The following MBNL2 variants were observed in gnomAD, a reference collection of about 807,000 sequenced individuals.
MBNL2 encodes the protein muscleblind like splicing regulator 2.
MBNL2 carries 17 observed loss-of-function variants against 41.9 expected under a neutral mutation model. That is an observed-to-expected ratio of 0.41 (90% CI 0.28 to 0.61). MBNL2 has a LOEUF of 0.61. Among genes scored for constraint, MBNL2 ranks in the 20% least tolerant of loss-of-function variants. The pLI is 0.35. For missense variants in MBNL2, 336 were observed against 505.6 expected, an observed-to-expected ratio of 0.66 and a Z score of 3.22; for synonymous variants, 195 against 182.9, an observed-to-expected ratio of 1.07 and a Z score of -0.53.
At chr13:97,165,683 G>A in the MBNL2 span, among the ~76,000 whole-genome samples, 8 of 152,208 alleles carry the variant, frequency 5.3e-5, no homozygotes, top group African/African-American at 1.9e-4. Context: ...AAACATCTGA[G>A]TCTTAGCGAC....
At chr13:97,176,965 AT>A in the MBNL2 span, among the ~76,000 whole-genome samples, 1 of 152,164 alleles carries the variant, frequency 6.6e-6, no homozygotes, top group Non-Finnish European at 1.5e-5. Flanking sequence ...CAGAAAAAAA[AT>A]ATAGAGAATA....
chr13:97,143,662 A>G, the MBNL2 span, among the ~76,000 whole-genome samples: 1 of 152,242 alleles, frequency 6.6e-6, no homozygotes, highest in Non-Finnish European at 1.5e-5. Flanking sequence ...GTATAATTTT[A>G]CAATGCAGTT....
At chr13:97,313,926 G>A (rs766383675) in intron 2 of MBNL2, among the ~76,000 whole-genome samples, 1 of 152,178 alleles carries the variant, frequency 6.6e-6, no homozygotes, top group African/African-American at 2.4e-5. Context: ...TTGACATAAT[G>A]CACTTTCTCA....
chr13:97,239,190 T>C (rs1201332155), intron 1 of MBNL2, among the ~76,000 whole-genome samples: 1 of 152,260 alleles, frequency 6.6e-6, no homozygotes, highest in East Asian at 1.9e-4. Context: ...TTATTTTCTT[T>C]AGCTTTTCCC....
chr13:97,334,239 C>G lies in MBNL2; in HGVS notation c.175-37C>G, dbSNP rs1371726737. 1.3e-6 allele frequency: 2 copies of G among 1,567,020 alleles called. No individual in the cohort carries two copies. Among genetic ancestry groups the G allele is most frequent in the Admixed American group, 3.7e-5 (2 of 54,658 alleles). On this transcript the variant is annotated intron_variant, in intron 2 of 8. Transcript: ENST00000679496. This position sits in a 1 kb window ranked among gnomAD's most constrained non-coding sequence, Gnocchi z 5.3. ...TGGTTGACTTTGGAGTTGCAAGCTA[C>G]TTAAAATAGTCCTAAAACCAACACT...
the MBNL2 span, among the ~76,000 whole-genome samples, chr13:97,145,963 T>C: frequency 1.9e-4 from 6 of 30,786 alleles, no homozygotes; most frequent in African/African-American, 3.3e-4. Context: ...TCTACTCTTT[T>C]CTTTTCTTTT....
At chr13:97,270,433 A>AT (rs1486894951) in intron 1 of MBNL2, among the ~76,000 whole-genome samples, 1 of 152,090 alleles carries the variant, frequency 6.6e-6, no homozygotes, top group Non-Finnish European at 1.5e-5. Flanking sequence ...TGGATGCTAA[A>AT]TTTTCATTGG....
upstream of MBNL2, chr13:97,222,163 C>T (rs1372171892): frequency 5.6e-6 from 2 of 356,564 alleles, no homozygotes; most frequent in Non-Finnish European, 1.0e-5. Context: ...CCTCTTTCAT[C>T]AGTATGGATG....
intron 2 of MBNL2, among the ~76,000 whole-genome samples, chr13:97,324,812 T>C (rs1186084076): frequency 6.6e-6 from 1 of 152,088 alleles, no homozygotes; most frequent in Admixed American, 6.6e-5. Flanking sequence ...ACCAAAGAAC[T>C]TGGAGTCCGA....
intron 2 of MBNL2, among the ~76,000 whole-genome samples, chr13:97,318,667 C>T (rs2059251833): frequency 6.6e-6 from 1 of 152,178 alleles, no homozygotes; most frequent in Non-Finnish European, 1.5e-5. Context: ...TTCTGGACTA[C>T]CCAGAGCTTA....
chr13:97,376,681 T>C (rs1460320388), intron 8 of MBNL2, among the ~76,000 whole-genome samples: 1 of 152,216 alleles, frequency 6.6e-6, no homozygotes, highest in Non-Finnish European at 1.5e-5. Flanking sequence ...CATTGTAGAA[T>C]GTTGCCCATT....
intron 2 of MBNL2, among the ~76,000 whole-genome samples, chr13:97,295,806 T>G (rs2056922584): frequency 6.6e-6 from 1 of 152,152 alleles, no homozygotes; most frequent in Non-Finnish European, 1.5e-5. Context: ...TCATGAACTC[T>G]TCAACATTGA....
intron 1 of MBNL2, among the ~76,000 whole-genome samples, chr13:97,267,192 C>A (rs1010539941): frequency 6.6e-6 from 1 of 152,172 alleles, no homozygotes; most frequent in Non-Finnish European, 1.5e-5. Context: ...GAGGTCGCCT[C>A]CTTGCAGAGT....
chr13:97,276,319 A>G lies in MBNL2; in HGVS notation c.84A>G (p.Ser28=), dbSNP rs1197192430. The change falls in exon 2 of 9, where the codon TCA becomes TCG. Residue 28 remains serine (S), a synonymous_variant. Coordinates refer to ENST00000679496, the MANE Select transcript of MBNL2 (RefSeq NM_001382683.1). The part of the protein sequence containing the change: ...VCRQFQRGTC[S]RSDEECKFAH... ...GACAGTTTCAAAGAGGAACATGCTC[A>G]CGCTCTGATGAAGAATGCAAATTTG... 1 of 1,613,966 alleles carries G rather than the reference A, an allele frequency of 6.2e-7. No homozygotes were observed.
chr13:97,190,072 C>T, the MBNL2 span, among the ~76,000 whole-genome samples: 1 of 152,262 alleles, frequency 6.6e-6, no homozygotes, highest in Non-Finnish European at 1.5e-5. Flanking sequence ...GCTCGGGCCA[C>T]CTGCCGCAGT....
chr13:97,158,239 A>G, the MBNL2 span, among the ~76,000 whole-genome samples: 1 of 151,384 alleles, frequency 6.6e-6, no homozygotes, highest in East Asian at 1.9e-4. Context: ...ATCAGTGGTG[A>G]TATCTCCTTT....
At chr13:97,350,591 C>G (rs1020438207) in intron 5 of MBNL2, among the ~76,000 whole-genome samples, 1 of 152,162 alleles carries the variant, frequency 6.6e-6, no homozygotes, top group Non-Finnish European at 1.5e-5. Flanking sequence ...TTGCTAAATC[C>G]TTTGGTATCA....
intron 1 of MBNL2, among the ~76,000 whole-genome samples, chr13:97,244,729 C>T (rs1190238500): frequency 6.6e-6 from 1 of 152,156 alleles, no homozygotes; most frequent in East Asian, 1.9e-4. Context: ...TTGAAGAAAT[C>T]AGTTCTGGGT....
intron 3 of MBNL2, among the ~76,000 whole-genome samples, chr13:97,342,029 TAAC>T (rs2061480429): frequency 6.6e-6 from 1 of 152,194 alleles, no homozygotes; most frequent in Admixed American, 6.5e-5. Context: ...CATCTATAAT[TAAC>T]AACCAACCAA....
Sources: gnomAD v4.1 joint callset for allele counts (sites outside exome capture counted in the v4.1 genomes callset) on GRCh38, gnomAD v4.1.1 for gene constraint, Gnocchi (gnomAD v3.1) non-coding constraint, MANE v1.5 for transcripts, NCBI Gene and HGNC (gene_info 2026-07-23, HGNC 2026-07-21) for gene names.